BICDL1: variants seen among roughly 807,000 people sequenced by gnomAD.
BICDL1 encodes BICD family-like cargo adapter 1.
A neutral mutation model predicts 76.8 loss-of-function variants in BICDL1; 20 were observed. That is an observed-to-expected ratio of 0.26 (90% CI 0.18 to 0.38). BICDL1 has a LOEUF of 0.38. BICDL1 is among the 10% of genes least tolerant of loss of function. BICDL1 has a pLI of 1.00. For missense variants in BICDL1, 700 were observed against 798.6 expected (o/e 0.88, Z 1.49); for synonymous variants, 383 against 337.1 (o/e 1.14, Z -1.49).
intron 2 of BICDL1, among the ~76,000 whole-genome samples, chr12:120,052,248 G>GCCCCTCCCCT (rs1952877071): frequency 2.5e-5 from 2 of 80,204 alleles, no homozygotes; most frequent in African/African-American, 9.6e-5. Flanking sequence ...TCCCCTCCCC[G>GCCCCTCCCCT]CCCCTCCCCT....
At chr12:120,008,764 G>A (rs1951898291) in intron 2 of BICDL1, among the ~76,000 whole-genome samples, 2 of 152,114 alleles carry the variant, frequency 1.3e-5, no homozygotes, top group South Asian at 4.1e-4. Flanking sequence ...TATTAAGGAT[G>A]TACTAGAAGG....
Position 119,990,350 on chromosome 12 carries a change from G to A in BICDL1, c.429+53G>A. ...GGGAGCAGGGGCCGCCCAGGCACGC[G>A]CCCGGCCCTGGGCAGTTAGGGAACC... On this transcript the variant is annotated intron_variant, in intron 1 of 9. Transcript: ENST00000548673. 3.2e-6 allele frequency: 5 copies of A among 1,538,532 alleles called. No homozygotes were observed. In the South Asian group the frequency reaches 4.8e-5, roughly 15 times the overall value.
In BICDL1 at chr12:120,071,697, A is replaced by T. The variant is rs1394656953; in HGVS notation, c.985A>T (p.Thr329Ser). The change falls in exon 5 of 10, where the codon ACT becomes TCT. Residue 329 changes from threonine to serine, a missense_variant. By Grantham distance (58) the Thr-to-Ser change is moderately conservative (BLOSUM62 1). Around this residue, in one of 3 missense-constraint regions of BICDL1, gnomAD observed 455 missense variants for 548.7 expected, o/e 0.83. Coordinates refer to ENST00000548673, the MANE Select transcript of BICDL1 (RefSeq NM_001367886.1). This position sits in a 1 kb window ranked among gnomAD's most constrained non-coding sequence, Gnocchi z 4.8. ...GCTGCAGGTGAAGGTGGAAGAACTC[A>T]CTGAGGAGAGGAGTCTGCAGAGCTC... is the stretch of plus-strand genomic sequence containing the variant. ...RQLQVKVEEL[T>S]EERSLQSSAA... 10 of 1,612,588 alleles carry T rather than the reference A, an allele frequency of 6.2e-6. No individual in the cohort carries two copies. The highest frequency in any genetic ancestry group is 3.9e-4 in the Middle Eastern group (2 of 5,182).
At chr12:120,063,754 C>T (rs1181413867) in intron 3 of BICDL1, among the ~76,000 whole-genome samples, 2 of 152,178 alleles carry the variant, frequency 1.3e-5, no homozygotes, top group Non-Finnish European at 2.9e-5. Flanking sequence ...CCACGAGGAC[C>T]TCCAGGATTC....
intron 2 of BICDL1, among the ~76,000 whole-genome samples, chr12:120,052,315 C>CTT (rs1250769608): frequency 1.4e-5 from 2 of 144,436 alleles, no homozygotes. Flanking sequence ...TCCTTTCTCT[C>CTT]TCTCTCTCTC....
chr12:120,078,351 C>T (rs1283414244), intron 7 of BICDL1, among the ~76,000 whole-genome samples: 1 of 152,214 alleles, frequency 6.6e-6, no homozygotes, highest in African/African-American at 2.4e-5. Context: ...TGTTGTTGAA[C>T]AAAAGAGCAA....
chr12:120,044,975 T>C (rs376879846), intron 2 of BICDL1, among the ~76,000 whole-genome samples: 1 of 152,098 alleles, frequency 6.6e-6, no homozygotes. Flanking sequence ...GGGATGGCAT[T>C]GAAACAGGCA....
At chr12:119,998,347 G>C (rs1178103414) in intron 1 of BICDL1, among the ~76,000 whole-genome samples, 174 bp from the exon 2 acceptor site, 1 of 152,164 alleles carries the variant, frequency 6.6e-6, no homozygotes, top group Non-Finnish European at 1.5e-5. Flanking sequence ...CTTCTTCCCT[G>C]CTCTGGAAGA....
intron 8 of BICDL1, among the ~76,000 whole-genome samples, chr12:120,088,866 C>CTG (rs1246294125): frequency 1.3e-5 from 2 of 151,458 alleles, no homozygotes; most frequent in African/African-American, 2.4e-5. Context: ...CGGGGTTTCA[C>CTG]TGTTAGCCAG....
chr12:119,999,841 G>A (rs566594648), intron 2 of BICDL1: 5 of 430,918 alleles, frequency 1.2e-5, no homozygotes, highest in African/African-American at 8.2e-5. Context: ...TCAGTTACCG[G>A]AGGAAAAAGA....
chr12:120,021,743 A>G (rs957467075), intron 2 of BICDL1, among the ~76,000 whole-genome samples: 33 of 151,286 alleles, frequency 2.2e-4, no homozygotes, highest in Admixed American at 2.0e-3. Flanking sequence ...TGTCCCCACT[A>G]AAAATACTAA....
chr12:120,081,264 A>G (rs1203682233), intron 8 of BICDL1, among the ~76,000 whole-genome samples: 5 of 149,038 alleles, frequency 3.4e-5, no homozygotes, highest in African/African-American at 7.4e-5. Context: ...TGTGTAGGCA[A>G]TGTAGTTATT....
chr12:120,072,718 A>C lies in BICDL1; in HGVS notation c.1297A>C (p.Met433Leu). ...ACTGATACAGAGCATTGTGGATGGC[A>C]TGGAGCCCACGGTAAGAGGCCAGTC... ...KRLIQSIVDG[M>L]EPTGSRRLDD... The change falls in exon 6 of 10, where the codon ATG becomes CTG. Residue 433 changes from methionine to leucine, a missense_variant. Physicochemically the swap from Met to Leu is conservative, Grantham distance 15 (BLOSUM62 2). Coordinates refer to ENST00000548673, the MANE Select transcript of BICDL1 (RefSeq NM_001367886.1). 1 of 1,612,366 alleles carries C rather than the reference A, an allele frequency of 6.2e-7. No individual in the cohort carries two copies. Among genetic ancestry groups the C allele is most frequent in the Non-Finnish European group, 8.5e-7 (1 of 1,179,732 alleles).
chr12:120,017,536 C>T (rs1475009060), intron 2 of BICDL1, among the ~76,000 whole-genome samples: 2 of 151,966 alleles, frequency 1.3e-5, no homozygotes, highest in African/African-American at 2.4e-5. Context: ...TTGAGAACAG[C>T]GTGGGCAACA....
chr12:120,082,562 C>A (rs988444146), intron 8 of BICDL1, among the ~76,000 whole-genome samples: 1 of 150,342 alleles, frequency 6.7e-6, no homozygotes, highest in African/African-American at 2.4e-5. Context: ...CCAACTAGGT[C>A]TTTTTAAAAA....
At chr12:120,036,463 G>A (rs943130713) in intron 2 of BICDL1, among the ~76,000 whole-genome samples, 4 of 152,216 alleles carry the variant, frequency 2.6e-5, no homozygotes, top group Non-Finnish European at 4.4e-5. Context: ...GGGAGCGTTA[G>A]ACTTGTTTAG....
chr12:120,082,972 C>T (rs1874109660), intron 8 of BICDL1, among the ~76,000 whole-genome samples: 2 of 152,272 alleles, frequency 1.3e-5, no homozygotes, highest in East Asian at 1.9e-4. Context: ...AAGCTATTCT[C>T]GTGCCTCAGC....
At chr12:120,082,249 A>G (rs1168475168) in intron 8 of BICDL1, among the ~76,000 whole-genome samples, 3 of 151,226 alleles carry the variant, frequency 2.0e-5, no homozygotes, top group Admixed American at 6.6e-5. Context: ...TATATTTCCA[A>G]TAAACTAGGT....
chr12:120,002,566 C>T (rs1348705406), intron 2 of BICDL1, among the ~76,000 whole-genome samples: 8 of 152,328 alleles, frequency 5.3e-5, no homozygotes, highest in Middle Eastern at 6.8e-3. Flanking sequence ...GAAAAAGTCC[C>T]AATCCACCTC....
Sources: allele counts gnomAD v4.1 joint callset (sites outside exome capture counted in the v4.1 genomes callset), GRCh38; gene constraint gnomAD v4.1.1; regional missense constraint gnomAD v4.1.1; non-coding constraint Gnocchi (gnomAD v3.1); transcripts MANE v1.5; gene names NCBI Gene and HGNC (gene_info 2026-07-23, HGNC 2026-07-21).